CRYBG1: variants seen among roughly 807,000 people sequenced by gnomAD.
The protein encoded by CRYBG1 is crystallin beta-gamma domain containing 1, also known as beta/gamma crystallin domain-containing protein 1.
In CRYBG1, 139 loss-of-function variants were observed where a neutral mutation model predicts 189.2. That is an observed-to-expected ratio of 0.73 (90% CI 0.64 to 0.85). The LOEUF (loss-of-function observed/expected upper bound fraction) is 0.85, where lower values mean the gene tolerates loss of function less well. CRYBG1 is among the 40% of genes least tolerant of loss of function. CRYBG1 has a pLI of 0.00. For synonymous variants in CRYBG1, 1,023 were observed against 1,017.1 expected, an observed-to-expected ratio of 1.01 and a Z score of -0.11; for missense variants, 2,611 against 2,675.8, an observed-to-expected ratio of 0.98 and a Z score of 0.53.
At chr6:106,418,568 C>T (rs1331906536) in intron 1 of CRYBG1, among the ~76,000 whole-genome samples, 2 of 152,238 alleles carry the variant, frequency 1.3e-5, no homozygotes, top group Non-Finnish European at 2.9e-5. Flanking sequence ...AACAACCTCA[C>T]CATCAACTTA....
chr6:106,507,083 C>T (rs956115274), intron 2 of CRYBG1, among the ~76,000 whole-genome samples: 5 of 152,198 alleles, frequency 3.3e-5, no homozygotes, highest in South Asian at 2.1e-4. Context: ...TGCCACACCA[C>T]GAAGGTTGAG....
At chr6:106,488,660 G>A (rs1237187923) in intron 2 of CRYBG1, among the ~76,000 whole-genome samples, 1 of 152,136 alleles carries the variant, frequency 6.6e-6, no homozygotes, top group African/African-American at 2.4e-5. Context: ...GCAGGGGGGT[G>A]GGTGCCTGTG....
At chr6:106,444,151 T>C (rs953923819) in intron 1 of CRYBG1, among the ~76,000 whole-genome samples, 1 of 152,306 alleles carries the variant, frequency 6.6e-6, no homozygotes, top group East Asian at 1.9e-4. Flanking sequence ...TAGTCTTTCT[T>C]TGGGGAGTAT....
At chr6:106,553,265 C>T (rs1451037635) in intron 15 of CRYBG1, among the ~76,000 whole-genome samples, 190 bp from the exon 16 acceptor site, 6 of 152,108 alleles carry the variant, frequency 3.9e-5, no homozygotes, top group African/African-American at 9.7e-5. Flanking sequence ...TAAATAGTCA[C>T]GAATGGCGCA....
chr6:106,401,276 T>C (rs187805095), intron 1 of CRYBG1, among the ~76,000 whole-genome samples: 1 of 152,342 alleles, frequency 6.6e-6, no homozygotes, highest in East Asian at 1.9e-4. Flanking sequence ...TTACTTATAT[T>C]TTGTACGGAT....
chr6:106,564,601 G>A (rs1774822435), intron 21 of CRYBG1, among the ~76,000 whole-genome samples: 1 of 67,856 alleles, frequency 1.5e-5, no homozygotes, highest in African/African-American at 3.2e-5. Flanking sequence ...GAGTCTGTAG[G>A]TCTGGGGTGG....
intron 2 of CRYBG1, among the ~76,000 whole-genome samples, chr6:106,502,807 A>C (rs1317751395): frequency 6.8e-6 from 1 of 147,924 alleles, no homozygotes; most frequent in African/African-American, 2.4e-5. Flanking sequence ...GTTTTAAGGA[A>C]GCCAAGAAGG....
chr6:106,480,231 G>C (rs1325200875), intron 2 of CRYBG1, among the ~76,000 whole-genome samples: 1 of 152,086 alleles, frequency 6.6e-6, no homozygotes, highest in Non-Finnish European at 1.5e-5. Context: ...ATGTGGTTCT[G>C]GTTAGGCACA....
At position 106,527,471 on chromosome 6, in the gene CRYBG1, G is replaced by C; in HGVS notation, c.4578+1G>C. ...TGGTTCCATCAGACATGTGGTTCAG[G>C]TAGGTTGTGGTAAATATGGATTTTA... On this transcript the variant is annotated splice_donor_variant, in intron 7 of 21. Coordinates refer to ENST00000633556, the MANE Select transcript of CRYBG1 (RefSeq NM_001371242.2). LOFTEE classifies it high-confidence loss of function. 1 of 1,604,704 alleles carries C rather than the reference G, an allele frequency of 6.2e-7. No individual in the cohort carries two copies. The highest frequency in any genetic ancestry group is 8.5e-7 in the Non-Finnish European group (1 of 1,176,568).
chr6:106,387,732 A>G (rs1770420138), intron 1 of CRYBG1, among the ~76,000 whole-genome samples: 1 of 152,158 alleles, frequency 6.6e-6, no homozygotes, highest in South Asian at 2.1e-4. Flanking sequence ...CTAGCACTCT[A>G]TGCTTGGTAT....
intron 9 of CRYBG1, 146 bp from the exon 10 acceptor site, chr6:106,541,440 A>G: frequency 1.3e-6 from 1 of 788,080 alleles, no homozygotes; most frequent in South Asian, 1.5e-5. Flanking sequence ...TATTGTTGGT[A>G]ATTTTAGAAC....
intron 2 of CRYBG1, among the ~76,000 whole-genome samples, chr6:106,452,036 TTTA>T (rs1379924715): frequency 6.8e-6 from 1 of 147,820 alleles, no homozygotes; most frequent in Non-Finnish European, 1.5e-5. Context: ...AATATAATAA[TTTA>T]TTATGTAATC....
At chr6:106,449,304 T>C (rs945109561) in intron 1 of CRYBG1, 3 of 152,214 alleles carry the variant, frequency 2.0e-5, no homozygotes, top group African/African-American at 7.2e-5. Flanking sequence ...CATATGTTTT[T>C]CCAAAAAGGA....
At chr6:106,553,600 CACTGGAGTAAA>C (rs1774460422) in intron 16 of CRYBG1, 33 bp downstream of exon 16, 1 of 1,390,514 alleles carries the variant, frequency 7.2e-7, no homozygotes, top group South Asian at 1.2e-5. Flanking sequence ...AGAGCTGAAT[CACTGGAGTAAA>C]ACAGAATTCA....
At chr6:106,506,673 G>A (rs376702165) in intron 2 of CRYBG1, among the ~76,000 whole-genome samples, 3 of 151,752 alleles carry the variant, frequency 2.0e-5, no homozygotes, top group African/African-American at 7.3e-5. Flanking sequence ...GGCTGGTCTC[G>A]AACTCCTGAC....
chr6:106,526,309 T>C (rs1167094376), intron 6 of CRYBG1, among the ~76,000 whole-genome samples: 2 of 152,234 alleles, frequency 1.3e-5, no homozygotes, highest in Non-Finnish European at 2.9e-5. Context: ...GCTTTTATTC[T>C]TAAATTTGAA....
intron 1 of CRYBG1, among the ~76,000 whole-genome samples, chr6:106,397,336 T>G (rs1770631929): frequency 6.6e-6 from 1 of 152,228 alleles, no homozygotes; most frequent in African/African-American, 2.4e-5. Context: ...ATAGTCACCA[T>G]GCTTATTATA....
chr6:106,554,392 T>C (rs1225792865), intron 16 of CRYBG1, among the ~76,000 whole-genome samples: 1 of 152,190 alleles, frequency 6.6e-6, no homozygotes, highest in Non-Finnish European at 1.5e-5. Context: ...GGCAGGCAGA[T>C]CACTTGAGGT....
chr6:106,453,593 T>G (rs1297569150), intron 2 of CRYBG1, among the ~76,000 whole-genome samples: 1 of 152,264 alleles, frequency 6.6e-6, no homozygotes, highest in East Asian at 1.9e-4. Flanking sequence ...TCAGTAAGTA[T>G]GCCTTTTATA....
Sources: allele counts gnomAD v4.1 joint callset (sites outside exome capture counted in the v4.1 genomes callset), GRCh38; gene constraint gnomAD v4.1.1; transcripts MANE v1.5; gene names NCBI Gene and HGNC (gene_info 2026-07-23, HGNC 2026-07-21).